GRID2: variants seen among roughly 807,000 people sequenced by gnomAD.
GRID2 encodes the protein glutamate receptor ionotropic, delta-2.
A neutral mutation model predicts 114.8 loss-of-function variants in GRID2; 33 were observed. That is an observed-to-expected ratio of 0.29 (90% confidence interval 0.22 to 0.38). The LOEUF is 0.38. Ranked by LOEUF, GRID2 falls within the 10% of genes least tolerant of loss-of-function variation. The pLI, the probability that GRID2 is intolerant of heterozygous loss-of-function variation, is 1.00. For missense variants in GRID2, 1,184 were observed against 1,257.7 expected (o/e 0.94, Z 0.89); for synonymous variants, 505 against 449.9 (o/e 1.12, Z -1.55).
intron 8 of GRID2, among the ~76,000 whole-genome samples, chr4:93,256,700 C>T (rs1749634404): frequency 6.6e-6 from 1 of 151,644 alleles, no homozygotes; most frequent in Admixed American, 6.6e-5. Flanking sequence ...TAGACATCAT[C>T]CACTTGAGAA....
chr4:92,662,544 A>C (rs1022970174), intron 2 of GRID2, among the ~76,000 whole-genome samples: 1 of 151,070 alleles, frequency 6.6e-6, no homozygotes, highest in African/African-American at 2.4e-5. Context: ...ACTATATAGT[A>C]TTCCTAACTT....
At chr4:93,542,260 TA>T (rs1322226720) in intron 13 of GRID2, among the ~76,000 whole-genome samples, 9 of 152,306 alleles carry the variant, frequency 5.9e-5, no homozygotes, top group African/African-American at 2.2e-4. Flanking sequence ...GGCACTGAAT[TA>T]ATGTTTATTG....
intron 1 of GRID2, among the ~76,000 whole-genome samples, chr4:92,532,838 C>T (rs777433285): frequency 3.3e-5 from 5 of 151,944 alleles, no homozygotes; most frequent in East Asian, 1.9e-4. Context: ...TTTGGGAGGC[C>T]GAGGCAGGAA....
chr4:93,318,226 T>G (rs1231173720), intron 8 of GRID2, among the ~76,000 whole-genome samples: 2 of 151,578 alleles, frequency 1.3e-5, no homozygotes, highest in Non-Finnish European at 2.9e-5. Context: ...TTTCAGAGAA[T>G]TTAACTAGTA....
chr4:92,672,362 C>A (rs1168420424), intron 2 of GRID2, among the ~76,000 whole-genome samples: 1 of 152,102 alleles, frequency 6.6e-6, no homozygotes, highest in East Asian at 1.9e-4. Flanking sequence ...AATACCATTA[C>A]TACATCTGAA....
intron 1 of GRID2, among the ~76,000 whole-genome samples, chr4:92,339,790 CGAA>C (rs1382840183): frequency 2.0e-5 from 3 of 152,112 alleles, no homozygotes; most frequent in African/African-American, 7.2e-5. Flanking sequence ...AAATAAAACT[CGAA>C]GAAGTTCTCA....
chr4:92,392,951 G>A lies in GRID2; in HGVS notation c.88+88207G>A, dbSNP rs543182045. On this transcript the variant is annotated intron_variant, in intron 1 of 15. Transcript: ENST00000282020. ...TGCTATAAAGAAATATGTGAGACTG[G>A]ATAACTTACAAGAAAAGAGGTTTAA... Among the ~76,000 whole-genome samples, 129 of 152,214 alleles carry A rather than the reference G, an allele frequency of 8.5e-4. 1 individual carries two copies. The highest frequency in any genetic ancestry group is 2.9e-3 in the African/African-American group (121 of 41,538).
At chr4:92,825,993 T>G (rs918448488) in intron 2 of GRID2, among the ~76,000 whole-genome samples, 2 of 152,144 alleles carry the variant, frequency 1.3e-5, no homozygotes, top group Non-Finnish European at 2.9e-5. Context: ...CAGTGAGTAC[T>G]CAGTACAGCA....
chr4:93,058,625 T>C (rs1301474048), intron 2 of GRID2, among the ~76,000 whole-genome samples: 2 of 151,970 alleles, frequency 1.3e-5, no homozygotes. Context: ...AGAATACTTG[T>C]TCTACTTCAG....
chr4:93,128,030 A>C (rs886082599), intron 4 of GRID2, among the ~76,000 whole-genome samples: 6 of 126,638 alleles, frequency 4.7e-5, no homozygotes, highest in African/African-American at 1.3e-4. Context: ...CCCGCAACAA[A>C]AAAAAAAAAA....
Position 93,455,904 on chromosome 4 carries a change from A to G in GRID2, c.1788A>G (p.Gln596=), listed in dbSNP as rs1339483026. 2 of 1,611,208 alleles carry G rather than the reference A, an allele frequency of 1.2e-6. No homozygotes were observed. Among genetic ancestry groups the G allele is most frequent in the Admixed American group, 3.3e-5 (2 of 59,972 alleles). The part of the protein sequence containing the change: ...LLNWLNPPRL[Q]MGSMTSTTLY... ...ACTGGCTTAATCCCCCACGATTACAAATGGGATCAATGACGTCTACTACTC... is the reference window on the plus strand; with the variant it reads ...ACTGGCTTAATCCCCCACGATTACAGATGGGATCAATGACGTCTACTACTC... The change falls in exon 11 of 16, where the codon CAA becomes CAG. Residue 596 remains glutamine (Q), a synonymous_variant. Transcript: ENST00000282020.
intron 12 of GRID2, among the ~76,000 whole-genome samples, chr4:93,502,390 T>A (rs1728196115): frequency 6.6e-6 from 1 of 152,040 alleles, no homozygotes; most frequent in African/African-American, 2.4e-5. Context: ...CAATGAGATA[T>A]CTTAATAAAC....
chr4:92,562,381 A>G (rs1727138711), intron 1 of GRID2, among the ~76,000 whole-genome samples: 1 of 152,226 alleles, frequency 6.6e-6, no homozygotes, highest in Non-Finnish European at 1.5e-5. Flanking sequence ...AATTAGTACA[A>G]TCCCAAACCA....
intron 1 of GRID2, among the ~76,000 whole-genome samples, chr4:92,421,794 G>T (rs1171731697): frequency 6.6e-6 from 1 of 151,964 alleles, no homozygotes; most frequent in Non-Finnish European, 1.5e-5. Flanking sequence ...CTCTAATCCA[G>T]AACTATACAA....
intron 2 of GRID2, among the ~76,000 whole-genome samples, chr4:92,826,427 A>T (rs548751966): frequency 1.8e-4 from 27 of 152,154 alleles, no homozygotes; most frequent in Admixed American, 3.9e-4. Context: ...TTCCTGCTCT[A>T]TATTTGTCCA....
chr4:92,402,530 A>G (rs147649253), intron 1 of GRID2, among the ~76,000 whole-genome samples: 3 of 152,322 alleles, frequency 2.0e-5, no homozygotes, highest in East Asian at 1.9e-4. Flanking sequence ...CTCCTTGTAC[A>G]TGTCCATCAG....
At position 93,769,593 on chromosome 4, in the gene GRID2, T is replaced by C. The variant is rs551099405; in HGVS notation, c.2601+143T>C. On this transcript the variant is annotated intron_variant, in intron 15 of 15. Transcript: ENST00000282020. ...AGATTAAAAATAAAGTTGTGAAATA[T>C]AAAAATTGGTAAGATCAATATCAAT... The C allele has an allele frequency of 5.7e-6, 4 of 705,464 alleles. 1 individual carries two copies. Among genetic ancestry groups the C allele is most frequent in the South Asian group, 3.8e-5 (2 of 52,436 alleles). The allele number at this position is 705,464 out of a possible 1,614,324, so 43.7% of individuals were successfully genotyped here. A position where few individuals can be genotyped will look rare whatever the true frequency, so the allele number is the denominator to read the frequency against.
Position 92,648,443 on chromosome 4 carries a change from C to T in GRID2, c.244+58157C>T, listed in dbSNP as rs1731753984. Among the ~76,000 whole-genome samples the T allele has an allele frequency of 5.4e-5, 8 of 149,478 alleles. No individual in the cohort carries two copies. The South Asian group carries it at 1.7e-3, about 31-fold the overall frequency. The stretch of plus-strand genomic sequence containing the variant: ...CTCCACATTATTTCACAATGGGACA[C>T]ATATCAGAAGTAGTTTAATTTAATA... On this transcript the variant is annotated intron_variant, in intron 2 of 15. Transcript: ENST00000282020.
chr4:93,561,049 T>C (rs1210054025), intron 13 of GRID2, among the ~76,000 whole-genome samples: 1 of 152,120 alleles, frequency 6.6e-6, no homozygotes, highest in East Asian at 1.9e-4. Flanking sequence ...AAATATATCC[T>C]TTTTGGTGTT....
Sources: gnomAD v4.1 joint callset for allele counts (sites outside exome capture counted in the v4.1 genomes callset) on GRCh38, gnomAD v4.1.1 for gene constraint, MANE v1.5 for transcripts, NCBI Gene and HGNC (gene_info 2026-07-23, HGNC 2026-07-21) for gene names.